LAMC2: variants seen among roughly 807,000 people sequenced by gnomAD.
LAMC2 encodes laminin subunit gamma-2.
In LAMC2, 97 loss-of-function variants were observed where a neutral mutation model predicts 140.2. The observed-to-expected ratio is 0.69, with a 90% CI of 0.59 to 0.82. The LOEUF is 0.82. LAMC2 is among the 40% of genes least tolerant of loss of function. LAMC2 has a pLI of 0.00. For synonymous variants in LAMC2, 513 were observed against 540.2 expected (o/e 0.95, Z 0.70); for missense variants, 1,402 against 1,476.1 (o/e 0.95, Z 0.82).
At chr1:183,195,053 C>T (rs1658470809) in intron 1 of LAMC2, among the ~76,000 whole-genome samples, 1 of 152,200 alleles carries the variant, frequency 6.6e-6, no homozygotes, top group Admixed American at 6.5e-5. Flanking sequence ...TCCCTTTCAC[C>T]TGTGAGCTTA....
chr1:183,200,939 A>G (rs1488850875), intron 1 of LAMC2, among the ~76,000 whole-genome samples: 1 of 152,226 alleles, frequency 6.6e-6, no homozygotes, highest in African/African-American at 2.4e-5. Flanking sequence ...GTCAGACGCA[A>G]TTACCATCCA....
the LAMC2 span, chr1:183,251,087 C>G: frequency 6.6e-6 from 1 of 152,156 alleles, no homozygotes; most frequent in African/African-American, 2.4e-5. Context: ...TAACCAGAAG[C>G]AAAGCTGGCA....
At chr1:183,249,662 C>T (rs1660320179), downstream of LAMC2, 1 of 149,368 alleles carries the variant, frequency 6.7e-6, no homozygotes, top group South Asian at 2.1e-4. Context: ...TGACCTTCCC[C>T]TAGCAAATGA....
intron 1 of LAMC2, among the ~76,000 whole-genome samples, chr1:183,204,876 G>A (rs1384235519): frequency 6.6e-6 from 1 of 151,690 alleles, no homozygotes; most frequent in African/African-American, 2.4e-5. Flanking sequence ...ACAGTAGAGT[G>A]CAATGGCACA....
At chr1:183,213,425 A>T (rs1300756040) in intron 2 of LAMC2, among the ~76,000 whole-genome samples, 1 of 152,268 alleles carries the variant, frequency 6.6e-6, no homozygotes, top group Non-Finnish European at 1.5e-5. Context: ...TCACAGAAAG[A>T]TAATAAATTT....
rs766879080 is a variant in LAMC2, at chr1:183,236,554, C to T, written c.2551C>T (p.Leu851Phe). 1 of 1,614,172 alleles carries T rather than the reference C, an allele frequency of 6.2e-7. No individual in the cohort carries two copies. The highest frequency in any genetic ancestry group is 8.5e-7 in the Non-Finnish European group (1 of 1,180,030). Residue 851 changes from leucine to phenylalanine, a missense_variant, in exon 17 of 23, where the codon CTC becomes TTC. By Grantham distance (22) the Leu-to-Phe change is conservative. Coordinates refer to ENST00000264144, the MANE Select transcript of LAMC2 (RefSeq NM_005562.3). ...ADRSYQHSLRLLDSVSRLQGV... is the reference protein window; with the variant it reads ...ADRSYQHSLRFLDSVSRLQGV... The stretch of plus-strand genomic sequence containing the variant: ...TAGGTCTTATCAGCACAGTCTCCGC[C>T]TCCTGGATTCAGTGTCTCGGCTTCA...
rs77180198 is a variant in LAMC2, at chr1:183,213,385, C to T, written c.269-2068C>T. 5.6e-3 allele frequency among the ~76,000 whole-genome samples: 850 copies of T among 152,204 alleles called. 4 individuals carry two copies. Among genetic ancestry groups the T allele is most frequent in the Non-Finnish European group, 6.8e-3 (465 of 68,016 alleles). On this transcript the variant is annotated intron_variant, in intron 2 of 22. Coordinates refer to ENST00000264144, the MANE Select transcript of LAMC2 (RefSeq NM_005562.3). ...ACAGGCACAGAACCGATATCTTTATCGATTTGAATTCTACTAGTAAATTAA... is the reference window on the plus strand; with the variant it reads ...ACAGGCACAGAACCGATATCTTTATTGATTTGAATTCTACTAGTAAATTAA...
At chr1:183,198,250 C>T (rs1422715900) in intron 1 of LAMC2, among the ~76,000 whole-genome samples, 1 of 151,118 alleles carries the variant, frequency 6.6e-6, no homozygotes. Context: ...CAAGTGATTC[C>T]CCTGCCTCAG....
chr1:183,245,445 G>A (rs1014867373), downstream of LAMC2, among the ~76,000 whole-genome samples: 2 of 152,162 alleles, frequency 1.3e-5, no homozygotes, highest in Non-Finnish European at 2.9e-5. Flanking sequence ...AACGACCAGT[G>A]CCCAGACTCC....
At chr1:183,216,206 C>T (rs1306391205) in intron 3 of LAMC2, among the ~76,000 whole-genome samples, 1 of 152,174 alleles carries the variant, frequency 6.6e-6, no homozygotes, top group Non-Finnish European at 1.5e-5. Context: ...TTTGCTGGCT[C>T]CTTGCTGGGA....
the LAMC2 span, among the ~76,000 whole-genome samples, chr1:183,257,319 T>A: frequency 6.6e-6 from 1 of 152,108 alleles, no homozygotes; most frequent in South Asian, 2.1e-4. Context: ...CAGGCACCTG[T>A]AATCCCAGCT....
intron 11 of LAMC2, among the ~76,000 whole-genome samples, chr1:183,230,649 C>T (rs79020453): frequency 0.04 from 6,112 of 152,260 alleles, 142 homozygotes; most frequent in South Asian, 0.11. Flanking sequence ...ACATCTGGCA[C>T]GTAATGGGCC....
chr1:183,242,121 C>CT (rs1167797626), intron 22 of LAMC2, among the ~76,000 whole-genome samples: 2 of 152,204 alleles, frequency 1.3e-5, no homozygotes, highest in Non-Finnish European at 2.9e-5. Context: ...AAACTGATAT[C>CT]TTTTTGCCTC....
chr1:183,189,267 A>G (rs1658249496), intron 1 of LAMC2, among the ~76,000 whole-genome samples: 1 of 152,212 alleles, frequency 6.6e-6, no homozygotes, highest in Non-Finnish European at 1.5e-5. Context: ...ATGGTTAGAC[A>G]GTGATGCCAT....
intron 3 of LAMC2, among the ~76,000 whole-genome samples, chr1:183,216,585 C>T (rs1490412671): frequency 6.6e-6 from 1 of 152,164 alleles, no homozygotes; most frequent in African/African-American, 2.4e-5. Flanking sequence ...GGCCTTGGCA[C>T]ATCCTGGAGA....
In LAMC2 at chr1:183,232,912, T is replaced by TTGTAG. The variant is rs533481869; in HGVS notation, c.2220+56_2220+60dup. 1.5e-4 allele frequency: 224 copies of TTGTAG among 1,487,122 alleles called. No individual in the cohort carries two copies. The African/African-American group carries it at 2.9e-3, about 19-fold the overall frequency. The allele number at this position is 1,487,122 out of a possible 1,614,324, so 92.1% of individuals were successfully genotyped here. Reference sequence around the variant, plus strand: ...AATACTGCTGTGTTGGGAGACCTACTTGTAGATCTCACTGACTCAATTTCT... The same window carrying TTGTAG: ...AATACTGCTGTGTTGGGAGACCTACTTGTAGTGTAGATCTCACTGACTCAATTTCT... On this transcript the variant is annotated intron_variant, in intron 14 of 22. Transcript: ENST00000264144.
At chr1:183,204,663 C>T (rs770269559) in intron 1 of LAMC2, among the ~76,000 whole-genome samples, 2 of 149,572 alleles carry the variant, frequency 1.3e-5, no homozygotes, top group Non-Finnish European at 3.0e-5. Flanking sequence ...AAAAGAAGGA[C>T]ACCTATTATT....
chr1:183,234,314 C>T (rs577861342), intron 14 of LAMC2, 53 bp from the exon 15 acceptor site: 45 of 1,406,702 alleles, frequency 3.2e-5, no homozygotes, highest in Non-Finnish European at 4.1e-5. Flanking sequence ...AGTTCCATGG[C>T]CAAGTGCAAA....
intron 1 of LAMC2, among the ~76,000 whole-genome samples, chr1:183,192,947 T>C (rs482967): frequency 0.57 from 86,720 of 152,050 alleles, 25,486 homozygotes; most frequent in East Asian, 0.73. Context: ...CCTCGTGATC[T>C]GCCCGCCTCG....
Sources: gnomAD v4.1 joint callset for allele counts (sites outside exome capture counted in the v4.1 genomes callset) on GRCh38, gnomAD v4.1.1 for gene constraint, MANE v1.5 for transcripts, NCBI Gene and HGNC (gene_info 2026-07-23, HGNC 2026-07-21) for gene names.